The following NT5DC4 variants were observed in gnomAD, a reference collection of about 807,000 sequenced individuals.
NT5DC4 encodes 5'-nucleotidase domain containing 4.
A neutral mutation model predicts 26.6 loss-of-function variants in NT5DC4; 44 were observed. The ratio of observed to expected loss-of-function variants is 1.65; its 90% confidence interval spans 1.30 to 2.13. The LOEUF (loss-of-function observed/expected upper bound fraction) is 2.13, where lower values mean the gene tolerates loss of function less well. Among genes scored for constraint, NT5DC4 ranks in the 30% most tolerant of loss-of-function variants. The probability of loss-of-function intolerance (pLI) is 0.00; values close to 1 mark genes in which losing one functional copy is unlikely to be tolerated. For missense variants in NT5DC4, 399 were observed against 228.1 expected, an observed-to-expected ratio of 1.75 and a Z score of -4.83; for synonymous variants, 157 against 86.7, an observed-to-expected ratio of 1.81 and a Z score of -4.51.
At chr2:112,733,411 ACATTTC>A (rs1290492078) in intron 16 of NT5DC4, among the ~76,000 whole-genome samples, 1 of 134,910 alleles carries the variant, frequency 7.4e-6, no homozygotes, top group African/African-American at 2.9e-5. Context: ...CATCTGATAC[ACATTTC>A]CCTGCTTCTT....
chr2:112,741,715 A>G (rs899864431), downstream of NT5DC4, among the ~76,000 whole-genome samples: 3 of 152,138 alleles, frequency 2.0e-5, no homozygotes, highest in Non-Finnish European at 4.4e-5. Context: ...TTCTTACCAC[A>G]TGTAGTGGGT....
intron 3 of NT5DC4, 22 bp from the exon 4 acceptor site, chr2:112,722,161 C>A: frequency 1.7e-6 from 1 of 582,496 alleles, no homozygotes; most frequent in East Asian, 3.1e-5. Flanking sequence ...ACCCACAGTG[C>A]CCCCCGACCC....
chr2:112,721,985 G>C lies in NT5DC4; in HGVS notation c.149-1G>C, dbSNP rs1343675504. On this transcript the variant is annotated splice_acceptor_variant, in intron 2 of 16. Coordinates refer to ENST00000688554, the MANE Select transcript of NT5DC4 (RefSeq NM_001393655.1). LOFTEE classifies it high-confidence loss of function. Reference sequence around the variant, plus strand: ...CCCTGATTCTGTCCGGGCCTCTGCAGCCTACAAGTCCCCAGCTTATGAGGC... The same window carrying C: ...CCCTGATTCTGTCCGGGCCTCTGCACCCTACAAGTCCCCAGCTTATGAGGC... 6 of 717,308 alleles carry C rather than the reference G, an allele frequency of 8.4e-6. No homozygotes were observed. The Admixed American group carries it at 1.2e-4, about 14-fold the overall frequency. The allele number at this position is 717,308 out of a possible 1,614,324, so 44.4% of individuals were successfully genotyped here.
At chr2:112,742,811 C>T (rs1680060057), downstream of NT5DC4, 1 of 1,461,046 alleles carries the variant, frequency 6.8e-7, no homozygotes, top group Admixed American at 2.1e-5. Flanking sequence ...TAAAAACATT[C>T]ATGCAAAAAA....
upstream of NT5DC4, among the ~76,000 whole-genome samples, chr2:112,720,235 C>G (rs112785356): frequency 5.1e-4 from 1 of 1,958 alleles, no homozygotes; most frequent in East Asian, 8.3e-3. Context: ...TTTTTTTTTT[C>G]TTCGTATTTT....
chr2:112,735,888 T>C (rs1237620767), intron 16 of NT5DC4, among the ~76,000 whole-genome samples: 1 of 152,178 alleles, frequency 6.6e-6, no homozygotes, highest in Admixed American at 6.6e-5. Context: ...CAACCTACAC[T>C]GTTATTGTTG....
intron 15 of NT5DC4, 147 bp from the exon 16 acceptor site, chr2:112,729,480 G>C (rs570362059): frequency 1.6e-6 from 1 of 626,346 alleles, no homozygotes; most frequent in South Asian, 1.8e-5. Context: ...TGCCCCTGCT[G>C]ACCTTCCGAG....
intron 16 of NT5DC4, chr2:112,731,587 A>G (rs1678491187): frequency 1.3e-5 from 2 of 152,148 alleles, no homozygotes; most frequent in Admixed American, 6.5e-5. Flanking sequence ...ACACATTAAA[A>G]CACATAAAAA....
At chr2:112,729,007 T>C (rs902908263) in intron 15 of NT5DC4, among the ~76,000 whole-genome samples, 3 of 152,222 alleles carry the variant, frequency 2.0e-5, no homozygotes, top group Admixed American at 1.3e-4. Context: ...TAGCCCTCTG[T>C]GCTGGTAGAT....
intron 15 of NT5DC4, among the ~76,000 whole-genome samples, chr2:112,728,525 A>G (rs1305308119): frequency 6.7e-6 from 1 of 150,190 alleles, no homozygotes; most frequent in African/African-American, 2.5e-5. Flanking sequence ...CCAAGTTGGC[A>G]TCATCATTTC....
intron 8 of NT5DC4, 55 bp downstream of exon 8, chr2:112,723,523 C>T (rs1225162054): frequency 1.5e-5 from 11 of 711,406 alleles, no homozygotes; most frequent in Non-Finnish European, 2.4e-5. Context: ...AGCAGGGCTG[C>T]CCCCGCAACC....
chr2:112,725,332 C>T (rs1314104113), intron 12 of NT5DC4, 50 bp from the exon 13 acceptor site: 3 of 689,554 alleles, frequency 4.4e-6, no homozygotes, highest in African/African-American at 3.5e-5. Context: ...AGTCACCTAC[C>T]CCAAGGCAGG....
In NT5DC4 at chr2:112,722,500, C is replaced by T. The variant is rs767542580; in HGVS notation, c.380C>T (p.Ala127Val). 2.8e-6 allele frequency: 2 copies of T among 717,312 alleles called. No individual in the cohort carries two copies. Among genetic ancestry groups the T allele is most frequent in the Non-Finnish European group, 5.2e-6 (2 of 385,072 alleles). 44.4% of individuals were successfully genotyped at this position (717,312 alleles called of 1,614,324 possible). A position where few individuals can be genotyped will look rare whatever the true frequency, so the allele number is the denominator to read the frequency against. ...GCACCCAGCCTACCCCTCCTCAGGG[C>T]AGAGATCTGGAGCTTCTACCCCAGC... is the stretch of plus-strand genomic sequence containing the variant. The part of the protein sequence containing the change: ...TFLSDLPLLR[A>V]EIWSFYPSKF... The change falls in exon 5 of 17, where the codon GCA becomes GTA. Residue 127 changes from alanine (A) to valine (V), a missense_variant. Transcript: ENST00000688554.
intron 16 of NT5DC4, chr2:112,736,883 CTGCCACAAACA>C (rs1408084641): frequency 6.6e-6 from 1 of 152,126 alleles, no homozygotes; most frequent in African/African-American, 2.4e-5. Flanking sequence ...GAGAATAACA[CTGCCACAAACA>C]TGTGAGTGCA....
chr2:112,730,441 C>T (rs1678353419), intron 16 of NT5DC4, among the ~76,000 whole-genome samples: 1 of 152,132 alleles, frequency 6.6e-6, no homozygotes, highest in Non-Finnish European at 1.5e-5. Context: ...ACATTATTCC[C>T]TCCAGGGGAA....
At chr2:112,739,891 T>TA (rs1679764865), downstream of NT5DC4, among the ~76,000 whole-genome samples, 1 of 152,156 alleles carries the variant, frequency 6.6e-6, no homozygotes, top group African/African-American at 2.4e-5. Context: ...TAGGCTCAAG[T>TA]AATCCTCCTG....
At position 112,732,616 on chromosome 2, in the gene NT5DC4, T is replaced by C. The variant is rs1016182504; in HGVS notation, c.1344+2912T>C. On this transcript the variant is annotated intron_variant, in intron 16 of 16. Transcript: ENST00000688554. The stretch of plus-strand genomic sequence containing the variant: ...TTTCCGGAAAGGTCCTGAAATATAG[T>C]GTGGTAGCTAACACTACAAAAGTCA... Among the ~76,000 whole-genome samples the C allele has an allele frequency of 4.6e-5, 7 of 152,186 alleles. No individual in the cohort carries two copies. The South Asian group carries it at 6.2e-4, about 13-fold the overall frequency.
intron 16 of NT5DC4, 144 bp from the exon 17 acceptor site, chr2:112,738,769 T>C: frequency 8.3e-7 from 1 of 1,209,054 alleles, no homozygotes; most frequent in Non-Finnish European, 1.2e-6. Flanking sequence ...GACAAGAATA[T>C]TTCTTGTCTT....
At position 112,721,899 on chromosome 2, in the gene NT5DC4, G is replaced by C. The variant is rs754946502; in HGVS notation, c.148+8G>C. The C allele has an allele frequency of 2.1e-5, 15 of 717,286 alleles. No homozygotes were observed. Among genetic ancestry groups the C allele is most frequent in the Non-Finnish European group, 3.6e-5 (14 of 385,106 alleles). 44.4% of individuals were successfully genotyped at this position (717,286 alleles called of 1,614,324 possible). The stretch of plus-strand genomic sequence containing the variant: ...TGGACTACACTCTGGCTGGTAGAGA[G>C]GGCTGGAACACAGCGTATTGGGAGC... On this transcript the variant is annotated splice_region_variant and intron_variant, in intron 2 of 16. Coordinates refer to ENST00000688554, the MANE Select transcript of NT5DC4 (RefSeq NM_001393655.1).
Sources: allele counts gnomAD v4.1 joint callset (sites outside exome capture counted in the v4.1 genomes callset), GRCh38; gene constraint gnomAD v4.1.1; transcripts MANE v1.5; gene names NCBI Gene and HGNC (gene_info 2026-07-23, HGNC 2026-07-21).